The following CGGBP1 variants were observed in gnomAD, a reference collection of about 807,000 sequenced individuals.
CGGBP1 encodes the protein CGG triplet repeat binding protein 1.
In CGGBP1, 4 loss-of-function variants were observed where a neutral mutation model predicts 11.4. The observed-to-expected ratio is 0.35, with a 90% CI of 0.17 to 0.80. CGGBP1 has a LOEUF of 0.80. Ranked by LOEUF, CGGBP1 falls within the 30% of genes least tolerant of loss-of-function variation. The pLI, the probability that CGGBP1 is intolerant of heterozygous loss-of-function variation, is 0.52. For missense variants in CGGBP1, 135 were observed against 202.1 expected (o/e 0.67, Z 2.01); for synonymous variants, 76 against 74.1 (o/e 1.03, Z -0.13).
intron 2 of CGGBP1, among the ~76,000 whole-genome samples, chr3:88,097,039 T>G (rs1282090070): frequency 6.6e-6 from 1 of 152,144 alleles, no homozygotes; most frequent in Non-Finnish European, 1.5e-5. Context: ...TTCACTCTTA[T>G]GTGTATATCA....
intron 2 of CGGBP1, among the ~76,000 whole-genome samples, chr3:88,129,321 TAAAAAAAAAA>T (rs11370327): frequency 1.3e-5 from 1 of 76,948 alleles, no homozygotes; most frequent in Non-Finnish European, 2.4e-5. Flanking sequence ...TTGCCAGGAG[TAAAAAAAAAA>T]AAAAAAAAAA....
rs373818140 is a variant in CGGBP1 at position 88,097,853 on chromosome 3, A to G, written c.-228-39630T>C. 3.9e-5 allele frequency among the ~76,000 whole-genome samples: 6 copies of G among 152,332 alleles called. No homozygotes were observed. The South Asian group carries it at 1.0e-3, about 26-fold the overall frequency. ...AAGCAGTGTGTAGAGGGAAATTTAT[A>G]GCACTAAATGCCCACAAGAGAAAGC... On this transcript the variant is annotated intron_variant, in intron 2 of 3. Transcript: ENST00000462901.
rs1334902813 is a variant in CGGBP1, at chr3:88,058,161, T to C, written c.-268A>G. ...AAATCAGTTTTTCAACAAGTGGTGGTGGGGAAATAGTTTCTGGGCTTGCAC... is the reference window on the plus strand; with the variant it reads ...AAATCAGTTTTTCAACAAGTGGTGGCGGGGAAATAGTTTCTGGGCTTGCAC... On this transcript the variant is annotated 5_prime_UTR_variant, in exon 2 of 4. Transcript: ENST00000482016. 3 of 152,228 alleles carry C rather than the reference T, an allele frequency of 2.0e-5. No individual in the cohort carries two copies. Among genetic ancestry groups the C allele is most frequent in the African/African-American group, 7.2e-5 (3 of 41,460 alleles). 9.4% of individuals were successfully genotyped at this position (152,228 alleles called of 1,614,324 possible).
chr3:88,071,758 C>T (rs565644886), intron 2 of CGGBP1, among the ~76,000 whole-genome samples: 5 of 152,148 alleles, frequency 3.3e-5, no homozygotes, highest in Admixed American at 6.5e-5. Flanking sequence ...GAGCTGAGAT[C>T]GTACCATTGC....
chr3:88,088,385 A>C (rs1708446416), intron 2 of CGGBP1, among the ~76,000 whole-genome samples: 2 of 152,360 alleles, frequency 1.3e-5, no homozygotes, highest in Middle Eastern at 3.4e-3. Flanking sequence ...TGTTGAAAAT[A>C]AAAATGAAAT....
rs758197083 is a variant in CGGBP1 at position 88,140,918 on chromosome 3, G to C, written c.-229+52C>G. ...ATGCCTGTTCTGATCAAGATAACGT[G>C]TATAAAAAATCAGTGAAAAGATTAA... On this transcript the variant is annotated intron_variant, in intron 2 of 3. Transcript: ENST00000462901. 5.6e-6 allele frequency: 9 copies of C among 1,613,532 alleles called. No homozygotes were observed. The Admixed American group carries it at 1.5e-4, about 27-fold the overall frequency.
chr3:88,120,656 C>T (rs1321751416), intron 2 of CGGBP1, among the ~76,000 whole-genome samples: 2 of 152,142 alleles, frequency 1.3e-5, no homozygotes, highest in Non-Finnish European at 1.5e-5. Flanking sequence ...CTTTACTATA[C>T]AGTTTTTAAA....
chr3:88,138,805 C>T, intron 2 of CGGBP1: 1 of 1,231,982 alleles, frequency 8.1e-7, no homozygotes, highest in Non-Finnish European at 1.0e-6. Flanking sequence ...ATTTATAAAA[C>T]AATTGCACAT....
At chr3:88,096,317 A>G (rs1704055963) in intron 2 of CGGBP1, among the ~76,000 whole-genome samples, 1 of 152,262 alleles carries the variant, frequency 6.6e-6, no homozygotes, top group African/African-American at 2.4e-5. Context: ...AAGTATTACT[A>G]GAGCCCACAG....
chr3:88,116,258 C>T (rs555108583), intron 2 of CGGBP1, among the ~76,000 whole-genome samples: 2 of 152,064 alleles, frequency 1.3e-5, no homozygotes, highest in African/African-American at 4.8e-5. Flanking sequence ...TAGTGGTTCA[C>T]CCCTGTAATC....
Position 88,064,402 on chromosome 3 carries a change from T to C in CGGBP1, c.-228-6179A>G, listed in dbSNP as rs572444814. ...TTTTGTTTATCCCTTTCCTTCCTGC[T>C]ACCCTCTTTGTGTCCAAATGTTCAG... is the stretch of plus-strand genomic sequence containing the variant. On this transcript the variant is annotated intron_variant, in intron 2 of 3. Transcript: ENST00000462901. Among the ~76,000 whole-genome samples, 5 of 152,322 alleles carry C rather than the reference T, an allele frequency of 3.3e-5. No individual in the cohort carries two copies. In the East Asian group the frequency reaches 9.6e-4, roughly 29 times the overall value.
intron 2 of CGGBP1, among the ~76,000 whole-genome samples, chr3:88,099,115 C>CTGAT (rs1364810301): frequency 6.6e-6 from 1 of 152,170 alleles, no homozygotes; most frequent in Non-Finnish European, 1.5e-5. Flanking sequence ...TCTCCTTAAG[C>CTGAT]TGATAGGCAA....
chr3:88,088,756 G>A (rs921102799), intron 2 of CGGBP1, among the ~76,000 whole-genome samples: 2 of 143,668 alleles, frequency 1.4e-5, no homozygotes, highest in South Asian at 2.4e-4. Flanking sequence ...ATGTATGTAT[G>A]TATGTATGGA....
In CGGBP1 at chr3:88,058,937, C is replaced by G. The variant is rs572023834; in HGVS notation, c.-453G>C. ...GATCCGTCGCTGCCGCCGTCGCCGC[C>G]GTTGCCCGATCGAGCCCCGCGGCGG... On this transcript the variant is annotated 5_prime_UTR_variant, in exon 1 of 4. Transcript: ENST00000482016. The G allele has an allele frequency of 5.0e-6, 1 of 201,240 alleles. No individual in the cohort carries two copies. Among genetic ancestry groups the G allele is most frequent in the Non-Finnish European group, 9.9e-6 (1 of 101,222 alleles). 12.5% of individuals were successfully genotyped at this position (201,240 alleles called of 1,614,324 possible). A position where few individuals can be genotyped will look rare whatever the true frequency, so the allele number is the denominator to read the frequency against.
At chr3:88,059,573 C>T (rs1389187228), upstream of CGGBP1, 77 of 1,442,910 alleles carry the variant, frequency 5.3e-5, 4 homozygotes, top group South Asian at 1.1e-3. Context: ...TCCTGGTCTT[C>T]TCGTCCATGA....
intron 2 of CGGBP1, among the ~76,000 whole-genome samples, chr3:88,073,597 G>A (rs917486186): frequency 9.2e-5 from 14 of 152,126 alleles, no homozygotes; most frequent in African/African-American, 3.4e-4. Flanking sequence ...TGGAGACAAG[G>A]CACCAAAGAA....
In CGGBP1 at chr3:88,052,268, A is replaced by T. The variant is rs1351113492; in HGVS notation, c.*3205T>A. 6.5e-6 allele frequency: 1 copy of T among 152,786 alleles called. No homozygotes were observed. Among genetic ancestry groups the T allele is most frequent in the Non-Finnish European group, 1.5e-5 (1 of 68,028 alleles). 9.5% of individuals were successfully genotyped at this position (152,786 alleles called of 1,614,324 possible). A position where few individuals can be genotyped will look rare whatever the true frequency, so the allele number is the denominator to read the frequency against. On this transcript the variant is annotated 3_prime_UTR_variant, in exon 4 of 4. Coordinates refer to ENST00000482016, the MANE Select transcript of CGGBP1 (RefSeq NM_001008390.2). ...ATAGCCACTTCACTATTCACATTTT[A>T]ATCAGTGCTGACCAGAAGCTAAAGC...
At chr3:88,100,798 C>T (rs915201632) in intron 2 of CGGBP1, among the ~76,000 whole-genome samples, 3 of 150,594 alleles carry the variant, frequency 2.0e-5, no homozygotes, top group Non-Finnish European at 3.0e-5. Flanking sequence ...CATCACACAG[C>T]GGGGCCTGTC....
At chr3:88,080,097 G>GT (rs1231998391) in intron 2 of CGGBP1, among the ~76,000 whole-genome samples, 1 of 151,798 alleles carries the variant, frequency 6.6e-6, no homozygotes, top group Non-Finnish European at 1.5e-5. Flanking sequence ...GAATCTTCAG[G>GT]TATCTGTTCA....
Sources: allele counts gnomAD v4.1 joint callset (sites outside exome capture counted in the v4.1 genomes callset), GRCh38; gene constraint gnomAD v4.1.1; transcripts MANE v1.5; gene names NCBI Gene and HGNC (gene_info 2026-07-23, HGNC 2026-07-21).